Variants in GAS6 observed in about 807,000 individuals in gnomAD.
GAS6 encodes the protein growth arrest-specific protein 6.
In GAS6, 41 loss-of-function variants were observed where a neutral mutation model predicts 75.8. That is an observed-to-expected ratio of 0.54 (90% confidence interval 0.42 to 0.70). The LOEUF (loss-of-function observed/expected upper bound fraction) is 0.70. Among genes scored for constraint, GAS6 ranks in the 30% least tolerant of loss-of-function variants. GAS6 has a pLI of 0.00. For synonymous variants in GAS6, 432 were observed against 412.6 expected (o/e 1.05, Z -0.57); for missense variants, 854 against 940.2 (o/e 0.91, Z 1.20).
intron 5 of GAS6, 128 bp downstream of exon 5, chr13:113,839,582 CCAGGATACCTCAGGGCTG>C (rs778320025): frequency 6.8e-6 from 7 of 1,025,074 alleles, no homozygotes; most frequent in Non-Finnish European, 9.7e-6. Flanking sequence ...TCCTGGGGCT[CCAGGATACCTCAGGGCTG>C]CAGCCTCCTT....
chr13:113,829,469 GACCACAT>G (rs2051601559), intron 10 of GAS6, among the ~76,000 whole-genome samples: 2 of 146,754 alleles, frequency 1.4e-5, no homozygotes, highest in Non-Finnish European at 1.5e-5. Context: ...ATCTCAGGGA[GACCACAT>G]GATCCTCACC....
At chr13:113,835,423 G>C in intron 7 of GAS6, 90 bp downstream of exon 7, 2 of 1,473,666 alleles carry the variant, frequency 1.4e-6, no homozygotes, top group East Asian at 2.3e-5. Flanking sequence ...AGAAGCACCC[G>C]GTTGTTAGCA....
At chr13:113,830,752 T>A (rs1594193847) in intron 10 of GAS6, among the ~76,000 whole-genome samples, 1 of 95,274 alleles carries the variant, frequency 1.0e-5, no homozygotes, top group Non-Finnish European at 2.0e-5. Flanking sequence ...CCAGGCGACC[T>A]CGCCTCAGGC....
At chr13:113,847,020 C>T (rs752602179) in intron 3 of GAS6, 1 of 508,126 alleles carries the variant, frequency 2.0e-6, no homozygotes, top group Non-Finnish European at 3.9e-6. Context: ...GCTGGCTGAA[C>T]ACAGCTTGAC....
intron 14 of GAS6, 48 bp from the exon 15 acceptor site, chr13:113,821,066 G>T (rs1343786488): frequency 6.3e-7 from 1 of 1,584,722 alleles, no homozygotes; most frequent in Admixed American, 1.7e-5. Context: ...CACGTGGCCG[G>T]CCCCGCCTGG....
intron 2 of GAS6, among the ~76,000 whole-genome samples, chr13:113,858,347 G>A (rs190919413): frequency 7.9e-5 from 12 of 152,284 alleles, no homozygotes; most frequent in South Asian, 4.1e-4. Context: ...GACTGTGTAC[G>A]TATGTCTATG....
intron 6 of GAS6, chr13:113,835,838 C>T: frequency 7.3e-7 from 1 of 1,376,356 alleles, no homozygotes; most frequent in Non-Finnish European, 9.4e-7. Context: ...CTGATCAAGG[C>T]CCGGCTGGGA....
chr13:113,834,813 T>A, intron 7 of GAS6, 141 bp from the exon 8 acceptor site: 4 of 910,132 alleles, frequency 4.4e-6, no homozygotes, highest in Non-Finnish European at 5.9e-6. Context: ...GGCTTGGGGG[T>A]CGCGTCCCCC....
At chr13:113,822,283 C>T (rs1449629019) in intron 13 of GAS6, 97 bp from the exon 14 acceptor site, 10 of 942,104 alleles carry the variant, frequency 1.1e-5, no homozygotes, top group Middle Eastern at 2.6e-4. Context: ...ACCCCTACGC[C>T]GCACGCCTGT....
intron 4 of GAS6, chr13:113,842,388 G>T: frequency 2.5e-6 from 1 of 392,818 alleles, no homozygotes; most frequent in Non-Finnish European, 4.5e-6. Context: ...GCTGGGGCTG[G>T]CCTTCGGAGT....
chr13:113,828,696 G>A lies in GAS6; in HGVS notation c.1159C>T (p.Leu387=). The A allele has an allele frequency of 1.2e-6, 2 of 1,613,364 alleles. No individual in the cohort carries two copies. Among genetic ancestry groups the A allele is most frequent in the Non-Finnish European group, 8.5e-7 (1 of 1,179,952 alleles). The change falls in exon 11 of 15, where the codon CTG becomes TTG. Residue 387 remains leucine (L), a synonymous_variant. Transcript: ENST00000327773. ...GMWQTISVEE[L]ARNLVIKVNR... Reference sequence around the variant, plus strand: ...ACCTTGATGACCAGATTCCGCGCCAGCTCCTCAACAGAGATCTGAAGAGAG... The same window carrying A: ...ACCTTGATGACCAGATTCCGCGCCAACTCCTCAACAGAGATCTGAAGAGAG...
intron 8 of GAS6, 104 bp from the exon 9 acceptor site, chr13:113,832,856 C>CT: frequency 1.3e-6 from 2 of 1,571,096 alleles, no homozygotes; most frequent in South Asian, 2.3e-5. Context: ...CCTCCTGTGC[C>CT]TCGGGAGTGG....
At chr13:113,853,517 T>C (rs1335501130) in intron 2 of GAS6, among the ~76,000 whole-genome samples, 1 of 152,264 alleles carries the variant, frequency 6.6e-6, no homozygotes, top group Non-Finnish European at 1.5e-5. Context: ...TTTCAGAGTG[T>C]GCTAAGAATG....
In GAS6 at chr13:113,839,732, G is replaced by T. The variant is rs1423617773; in HGVS notation, c.462C>A (p.Asp154Glu). The part of the protein sequence containing the change: ...CKAGWGGRLC[D>E]KDVNECSQEN... Reference sequence around the variant, plus strand: ...TTTGTCTTCAGCCTCACGTACCTTTGTCGCAGAGCCGGCCCCCCCAGCCAG... The same window carrying T: ...TTTGTCTTCAGCCTCACGTACCTTTTTCGCAGAGCCGGCCCCCCCAGCCAG... The change falls in exon 5 of 15, where the codon GAC becomes GAA. Residue 154 changes from aspartate (D) to glutamate (E), a missense_variant. Physicochemically the swap from Asp to Glu is conservative, Grantham distance 45 (BLOSUM62 2). Transcript: ENST00000327773. 2 of 1,613,778 alleles carry T rather than the reference G, an allele frequency of 1.2e-6. No individual in the cohort carries two copies. Among genetic ancestry groups the T allele is most frequent in the Non-Finnish European group, 1.7e-6 (2 of 1,179,856 alleles).
intron 2 of GAS6, among the ~76,000 whole-genome samples, chr13:113,851,978 G>A (rs1009223413): frequency 3.9e-5 from 6 of 152,194 alleles, no homozygotes; most frequent in African/African-American, 1.4e-4. Flanking sequence ...TAGGTCTCTC[G>A]GAGGTTTGTG....
intron 10 of GAS6, 58 bp downstream of exon 10, chr13:113,832,241 G>A: frequency 6.5e-7 from 1 of 1,548,472 alleles, no homozygotes; most frequent in Non-Finnish European, 8.7e-7. Flanking sequence ...AGTGACAGCT[G>A]AGTCTGGCTC....
At chr13:113,829,440 C>G in intron 10 of GAS6, among the ~76,000 whole-genome samples, 1 of 149,528 alleles carries the variant, frequency 6.7e-6, no homozygotes, top group South Asian at 2.1e-4. Context: ...TGATCCTCAC[C>G]TGGGCCAAGA....
intron 12 of GAS6, among the ~76,000 whole-genome samples, chr13:113,824,219 A>G (rs2051502882): frequency 7.5e-6 from 1 of 133,698 alleles, no homozygotes; most frequent in South Asian, 2.4e-4. Context: ...AGCTGTCGGG[A>G]GCACGCGCGG....
intron 4 of GAS6, 120 bp from the exon 5 acceptor site, chr13:113,839,970 G>A (rs1036361993): frequency 3.8e-5 from 53 of 1,401,652 alleles, no homozygotes; most frequent in Middle Eastern, 5.0e-4. Context: ...TCTGAGGGGC[G>A]CAGGCTGAGG....
Sources: gnomAD v4.1 joint callset for allele counts (sites outside exome capture counted in the v4.1 genomes callset) on GRCh38, gnomAD v4.1.1 for gene constraint, MANE v1.5 for transcripts, NCBI Gene and HGNC (gene_info 2026-07-23, HGNC 2026-07-21) for gene names.